The following IQCH variants were observed in gnomAD, a reference collection of about 807,000 sequenced individuals.
IQCH encodes the protein IQ domain-containing protein H.
A neutral mutation model predicts 117.0 loss-of-function variants in IQCH; 98 were observed. The observed-to-expected ratio is 0.84, with a 90% CI of 0.71 to 0.99. The LOEUF (loss-of-function observed/expected upper bound fraction) is 0.99. Among genes scored for constraint, IQCH ranks in the 50% least tolerant of loss-of-function variants. IQCH has a pLI of 0.00. For missense variants in IQCH, 1,102 were observed against 1,243.8 expected, an observed-to-expected ratio of 0.89 and a Z score of 1.72; for synonymous variants, 412 against 448.2, an observed-to-expected ratio of 0.92 and a Z score of 1.02.
chr15:67,363,250 T>TTA (rs984027270), intron 8 of IQCH, among the ~76,000 whole-genome samples: 2 of 151,080 alleles, frequency 1.3e-5, no homozygotes, highest in African/African-American at 4.9e-5. Context: ...TTTTTTTTTT[T>TTA]TTTTAGATGG....
Position 67,476,342 on chromosome 15 carries a change from G to A in IQCH, c.2799+524G>A, listed in dbSNP as rs1011232032. Among the ~76,000 whole-genome samples, 1 of 152,194 alleles carries A rather than the reference G, an allele frequency of 6.6e-6. No homozygotes were observed. On this transcript the variant is annotated intron_variant, in intron 18 of 20. Transcript: ENST00000335894. The surrounding 1 kb of genome is among the most constrained non-coding windows in gnomAD (Gnocchi z 4.1). Reference sequence around the variant, plus strand: ...GCTTGTAAATGGCTGCCTCCTTGCGGTGTCCTCACATATGGAAGGAGAGAG... The same window carrying A: ...GCTTGTAAATGGCTGCCTCCTTGCGATGTCCTCACATATGGAAGGAGAGAG...
chr15:67,264,686 G>A (rs148417986), intron 3 of IQCH, among the ~76,000 whole-genome samples: 1 of 152,154 alleles, frequency 6.6e-6, no homozygotes, highest in East Asian at 1.9e-4. Flanking sequence ...GTTGTTAGAA[G>A]TGAGCCAGTA....
At chr15:67,374,392 T>G (rs2140798098) in intron 10 of IQCH, among the ~76,000 whole-genome samples, 1 of 152,346 alleles carries the variant, frequency 6.6e-6, no homozygotes, top group East Asian at 1.9e-4. Flanking sequence ...AATGCTGGAT[T>G]GCAGTTTATT....
At chr15:67,271,226 C>T (rs2140454207) in intron 3 of IQCH, among the ~76,000 whole-genome samples, 1 of 152,318 alleles carries the variant, frequency 6.6e-6, no homozygotes, top group South Asian at 2.1e-4. Context: ...GCTTGGCCTC[C>T]CAAAGTGCTG....
At chr15:67,344,029 A>T in intron 5 of IQCH, 34 bp from the exon 6 acceptor site, 1 of 1,597,784 alleles carries the variant, frequency 6.3e-7, no homozygotes, top group South Asian at 1.1e-5. Context: ...ATTGCTTGGA[A>T]TTAAACTCAC....
chr15:67,335,410 A>G (rs1181270192), intron 4 of IQCH, among the ~76,000 whole-genome samples: 1 of 152,210 alleles, frequency 6.6e-6, no homozygotes. Context: ...TGACAGTTTT[A>G]TTTAAGTTGA....
rs1190342953 is a variant in IQCH, at chr15:67,493,774, C to T, written c.2862-484C>T. Among the ~76,000 whole-genome samples the T allele has an allele frequency of 6.6e-6, 1 of 152,176 alleles. No homozygotes were observed. Among genetic ancestry groups the T allele is most frequent in the Non-Finnish European group, 1.5e-5 (1 of 68,042 alleles). Reference sequence around the variant, plus strand: ...CCTGCACCCATTAACTCGTCATTTACATTAGGTATATCTCCTAATGCTATT... The same window carrying T: ...CCTGCACCCATTAACTCGTCATTTATATTAGGTATATCTCCTAATGCTATT... On this transcript the variant is annotated intron_variant, in intron 19 of 20. Coordinates refer to ENST00000335894, the MANE Select transcript of IQCH (RefSeq NM_001031715.3). The surrounding 1 kb of genome is among the most constrained non-coding windows in gnomAD (Gnocchi z 5.1).
In IQCH at chr15:67,421,300, T is replaced by C. The variant is rs1226726719; in HGVS notation, c.2228T>C (p.Ile743Thr). 6.2e-7 allele frequency: 1 copy of C among 1,613,638 alleles called. No homozygotes were observed. Among genetic ancestry groups the C allele is most frequent in the South Asian group, 1.1e-5 (1 of 91,012 alleles). Residue 743 changes from isoleucine to threonine, a missense_variant, in exon 16 of 21, where the codon ATC becomes ACC. Coordinates refer to ENST00000335894, the MANE Select transcript of IQCH (RefSeq NM_001031715.3). ...ATGTTTTTCCCACCAGGGGGTGTGA[T>C]CGAAGCATTCCCACCTGCAGACAAT... ...LQTFLSQGGV[I>T]EAFPPADNVT...
At position 67,426,437 on chromosome 15, in the gene IQCH, G is replaced by A. The variant is rs1452228801; in HGVS notation, c.2505+4860G>A. On this transcript the variant is annotated intron_variant, in intron 16 of 20. Transcript: ENST00000335894. This position sits in a 1 kb window ranked among gnomAD's most constrained non-coding sequence, Gnocchi z 5.1. Reference sequence around the variant, plus strand: ...TTCCACACTTAAAAGTAAATATCTTGATGGATATCCTGCTTACTCTGATTT... The same window carrying A: ...TTCCACACTTAAAAGTAAATATCTTAATGGATATCCTGCTTACTCTGATTT... Among the ~76,000 whole-genome samples, 1 of 151,830 alleles carries A rather than the reference G, an allele frequency of 6.6e-6. No homozygotes were observed. Among genetic ancestry groups the A allele is most frequent in the Non-Finnish European group, 1.5e-5 (1 of 67,988 alleles).
chr15:67,446,109 C>G lies in IQCH; in HGVS notation c.2506-19018C>G, dbSNP rs146413690. Among the ~76,000 whole-genome samples the G allele has an allele frequency of 1.8e-3, 281 of 152,328 alleles. 1 individual carries two copies. Among genetic ancestry groups the G allele is most frequent in the Middle Eastern group, 6.8e-3 (2 of 294 alleles). Reference sequence around the variant, plus strand: ...TTCTCAAAGAAATGGCACTGTGAAACTTCTATTCATATGAAAGACTTATGG... The same window carrying G: ...TTCTCAAAGAAATGGCACTGTGAAAGTTCTATTCATATGAAAGACTTATGG... On this transcript the variant is annotated intron_variant, in intron 16 of 20. Transcript: ENST00000335894.
intron 16 of IQCH, among the ~76,000 whole-genome samples, chr15:67,428,116 G>A (rs2140935437): frequency 6.6e-6 from 1 of 152,254 alleles, no homozygotes; most frequent in South Asian, 2.1e-4. Context: ...GTGAGCCACT[G>A]CACCTGATCT....
intron 4 of IQCH, among the ~76,000 whole-genome samples, chr15:67,294,941 A>G (rs1268385008): frequency 6.6e-6 from 1 of 152,184 alleles, no homozygotes; most frequent in Non-Finnish European, 1.5e-5. Context: ...CTGAGTAGCT[A>G]AATATAGCTG....
intron 16 of IQCH, among the ~76,000 whole-genome samples, chr15:67,440,303 G>A (rs2082239536): frequency 6.6e-6 from 1 of 152,166 alleles, no homozygotes; most frequent in Non-Finnish European, 1.5e-5. Flanking sequence ...AGAAGAATTG[G>A]TACCAATCCT....
rs540879113 is a variant in IQCH, at chr15:67,484,421, T to C, written c.2800-5582T>C. On this transcript the variant is annotated intron_variant, in intron 18 of 20. Transcript: ENST00000335894. ...ACCCAGTCTCAAAAAAAAAAAACTT[T>C]TAAATACAAAAATAAAATAAAATCA... Among the ~76,000 whole-genome samples, 67 of 151,038 alleles carry C rather than the reference T, an allele frequency of 4.4e-4. No individual in the cohort carries two copies. In the South Asian group the frequency reaches 6.5e-3, roughly 15 times the overall value.
chr15:67,367,586 A>C (rs367980788), intron 8 of IQCH, among the ~76,000 whole-genome samples: 1 of 152,028 alleles, frequency 6.6e-6, no homozygotes, highest in Non-Finnish European at 1.5e-5. Context: ...AAAGAAAAAA[A>C]CAGCAGATCA....
chr15:67,412,724 G>C (rs1260486145), intron 14 of IQCH, among the ~76,000 whole-genome samples: 1 of 152,154 alleles, frequency 6.6e-6, no homozygotes, highest in Non-Finnish European at 1.5e-5. Flanking sequence ...TTGAGATAAA[G>C]AAGATGTGCC....
chr15:67,346,405 G>T (rs1969392941), intron 6 of IQCH, among the ~76,000 whole-genome samples: 1 of 152,128 alleles, frequency 6.6e-6, no homozygotes, highest in Non-Finnish European at 1.5e-5. Context: ...ACAGACAAGA[G>T]GTGGGGAGGA....
Position 67,388,998 on chromosome 15 carries a change from A to T in IQCH, c.1624A>T (p.Ile542Phe). The T allele has an allele frequency of 6.2e-7, 1 of 1,612,664 alleles. No homozygotes were observed. The highest frequency in any genetic ancestry group is 8.5e-7 in the Non-Finnish European group (1 of 1,179,224). The change falls in exon 12 of 21, where the codon ATC (isoleucine) becomes TTC (phenylalanine). Residue 542 changes from isoleucine to phenylalanine, a missense_variant. This residue lies in a region of IQCH where 650 missense variants were observed against 794.3 expected (regional missense o/e 0.82). Coordinates refer to ENST00000335894, the MANE Select transcript of IQCH (RefSeq NM_001031715.3). This position sits in a 1 kb window ranked among gnomAD's most constrained non-coding sequence, Gnocchi z 5.5. ...AATTATCACACCTGAAGCTGTAAAC[A>T]TCTTCCCTGTGAGTTTGTGTTCTAA... ...FKIITPEAVN[I>F]FPKHHMCLAT...
Position 67,447,570 on chromosome 15 carries a change from G to A in IQCH, c.2506-17557G>A, listed in dbSNP as rs1173586692. ...GTTAACTTGATGGGGTTGAGGGAGT[G>A]TCCCCGTGGAGGGCATAGAGCTTGC... is the stretch of plus-strand genomic sequence containing the variant. On this transcript the variant is annotated intron_variant, in intron 16 of 20. Coordinates refer to ENST00000335894, the MANE Select transcript of IQCH (RefSeq NM_001031715.3). The surrounding 1 kb of genome is among the most constrained non-coding windows in gnomAD (Gnocchi z 5.3). Among the ~76,000 whole-genome samples the A allele has an allele frequency of 6.6e-6, 1 of 152,202 alleles. No homozygotes were observed. Among genetic ancestry groups the A allele is most frequent in the Non-Finnish European group, 1.5e-5 (1 of 68,042 alleles).
Sources: allele counts gnomAD v4.1 joint callset (sites outside exome capture counted in the v4.1 genomes callset), GRCh38; gene constraint gnomAD v4.1.1; regional missense constraint gnomAD v4.1.1; non-coding constraint Gnocchi (gnomAD v3.1); transcripts MANE v1.5; gene names NCBI Gene and HGNC (gene_info 2026-07-23, HGNC 2026-07-21).